The following DLGAP1 variants were observed in gnomAD, a reference collection of about 807,000 sequenced individuals.
DLGAP1 encodes disks large-associated protein 1.
A neutral mutation model predicts 90.8 loss-of-function variants in DLGAP1; 11 were observed. The ratio of observed to expected loss-of-function variants is 0.12; its 90% confidence interval spans 0.08 to 0.20. DLGAP1 has a LOEUF of 0.20. Among genes scored for constraint, DLGAP1 ranks in the 10% least tolerant of loss-of-function variants. The pLI, the probability that DLGAP1 is intolerant of heterozygous loss-of-function variation, is 1.00. For synonymous variants in DLGAP1, 558 were observed against 540.7 expected, an observed-to-expected ratio of 1.03 and a Z score of -0.44; for missense variants, 1,050 against 1,333.8, an observed-to-expected ratio of 0.79 and a Z score of 3.31.
intron 1 of DLGAP1, among the ~76,000 whole-genome samples, chr18:4,424,109 C>T (rs906542745): frequency 6.6e-6 from 1 of 152,016 alleles, no homozygotes; most frequent in Non-Finnish European, 1.5e-5. Flanking sequence ...CGAGATCATG[C>T]CACTGCACTT....
At chr18:3,571,543 G>A (rs2054784724) in intron 8 of DLGAP1, 1 of 151,966 alleles carries the variant, frequency 6.6e-6, no homozygotes, top group Non-Finnish European at 1.5e-5. Context: ...TTTTCAGATG[G>A]AGTCTTGGGA....
chr18:4,060,487 C>T (rs1334881324), intron 2 of DLGAP1, among the ~76,000 whole-genome samples: 3 of 152,238 alleles, frequency 2.0e-5, no homozygotes, highest in Non-Finnish European at 4.4e-5. Context: ...GCAACTTTAA[C>T]CTCGACAGTC....
chr18:4,082,635 T>C (rs1031994620), intron 2 of DLGAP1, among the ~76,000 whole-genome samples: 2 of 152,060 alleles, frequency 1.3e-5, no homozygotes, highest in South Asian at 2.1e-4. Context: ...TTTTCTCCTA[T>C]TAACCTGCCT....
chr18:4,343,177 G>T (rs369580346), intron 1 of DLGAP1, among the ~76,000 whole-genome samples: 2 of 151,900 alleles, frequency 1.3e-5, no homozygotes, highest in East Asian at 3.9e-4. Flanking sequence ...CGTGGTGGCA[G>T]GCGCCTGTAG....
intron 8 of DLGAP1, among the ~76,000 whole-genome samples, chr18:3,573,394 C>T (rs537074360): frequency 2.0e-5 from 3 of 151,978 alleles, no homozygotes; most frequent in Admixed American, 6.6e-5. Context: ...CCCAGCTACT[C>T]GGGAGACTGA....
At chr18:3,504,116 G>C (rs1300761225) in intron 11 of DLGAP1, among the ~76,000 whole-genome samples, 2 of 151,886 alleles carry the variant, frequency 1.3e-5, no homozygotes, top group Admixed American at 6.6e-5. Context: ...TAAATAAACA[G>C]ATAGATAGAT....
At chr18:4,290,289 A>T (rs1372640734) in intron 1 of DLGAP1, among the ~76,000 whole-genome samples, 1 of 152,262 alleles carries the variant, frequency 6.6e-6, no homozygotes, top group Non-Finnish European at 1.5e-5. Flanking sequence ...AAATACTTAG[A>T]TTATCAAAAA....
intron 3 of DLGAP1, among the ~76,000 whole-genome samples, chr18:3,951,852 G>C (rs991054107): frequency 7.9e-5 from 12 of 152,078 alleles, no homozygotes; most frequent in Admixed American, 2.6e-4. Flanking sequence ...ATGATCGTAA[G>C]TTTCCTGAGG....
intron 3 of DLGAP1, chr18:3,993,035 A>G (rs1175853675): frequency 2.0e-5 from 3 of 151,820 alleles, no homozygotes; most frequent in African/African-American, 7.3e-5. Context: ...AGATTACAAA[A>G]TAGCCTCCCC....
intron 10 of DLGAP1, among the ~76,000 whole-genome samples, chr18:3,530,582 G>A (rs1048485997): frequency 3.2e-4 from 48 of 152,252 alleles, no homozygotes; most frequent in African/African-American, 1.2e-3. Context: ...TTTTTCCTAG[G>A]AAAATCTGAT....
chr18:3,937,635 G>T (rs1170653607), intron 3 of DLGAP1, among the ~76,000 whole-genome samples: 3 of 152,204 alleles, frequency 2.0e-5, no homozygotes, highest in African/African-American at 7.2e-5. Flanking sequence ...TGCTAAATCA[G>T]AAGTAATCGA....
chr18:3,968,451 A>G (rs1275385053), intron 3 of DLGAP1, among the ~76,000 whole-genome samples: 1 of 152,204 alleles, frequency 6.6e-6, no homozygotes, highest in African/African-American at 2.4e-5. Context: ...CCTGCTGAAT[A>G]AAATGGCTAA....
Position 4,164,379 on chromosome 18 carries a change from A to G in DLGAP1, c.-266-13092T>C, listed in dbSNP as rs79584761. Among the ~76,000 whole-genome samples, 1,336 of 152,292 alleles carry G rather than the reference A, an allele frequency of 8.8e-3. 26 individuals carry two copies. Among genetic ancestry groups the G allele is most frequent in the African/African-American group, 0.029 (1,187 of 41,566 alleles). ...TAAAACAGCTATCATAAGACTGTTT[A>G]AACGATCAGACACTGCCGGGGCTGG... is the stretch of plus-strand genomic sequence containing the variant. On this transcript the variant is annotated intron_variant, in intron 1 of 12. Coordinates refer to ENST00000315677, the MANE Select transcript of DLGAP1 (RefSeq NM_004746.4).
chr18:3,591,179 G>A (rs1328143539), intron 7 of DLGAP1, among the ~76,000 whole-genome samples: 1 of 151,948 alleles, frequency 6.6e-6, no homozygotes, highest in East Asian at 1.9e-4. Flanking sequence ...GTACAAGTGA[G>A]ATTAAGAATA....
At chr18:4,375,335 C>T (rs560500705) in intron 1 of DLGAP1, among the ~76,000 whole-genome samples, 1 of 152,158 alleles carries the variant, frequency 6.6e-6, no homozygotes, top group African/African-American at 2.4e-5. Flanking sequence ...AAATTTTGGT[C>T]CTGTTAATAC....
Position 3,937,702 on chromosome 18 carries a change from T to C in DLGAP1, c.-72-57562A>G, listed in dbSNP as rs1188865375. 3.9e-5 allele frequency among the ~76,000 whole-genome samples: 6 copies of C among 152,330 alleles called. No homozygotes were observed. The East Asian group carries it at 5.8e-4, about 15-fold the overall frequency. ...GTAGCTGAGTTTATCACAAAATTTA[T>C]GTAATAAAGCTTATGCTGTTTCCTT... On this transcript the variant is annotated intron_variant, in intron 3 of 12. Transcript: ENST00000315677.
At chr18:4,155,390 C>T (rs1042371328) in intron 1 of DLGAP1, among the ~76,000 whole-genome samples, 1 of 152,108 alleles carries the variant, frequency 6.6e-6, no homozygotes, top group African/African-American at 2.4e-5. Context: ...ATTTGCCCAC[C>T]CTGCTACTTG....
In DLGAP1 at chr18:3,879,703, C is replaced by T. The variant is rs748250468; in HGVS notation, c.366G>A (p.Gln122=). 2.9e-5 allele frequency: 46 copies of T among 1,608,468 alleles called. No individual in the cohort carries two copies. Among genetic ancestry groups the T allele is most frequent in the Non-Finnish European group, 3.7e-5 (44 of 1,179,850 alleles). ...GGTGCTCCACGGCCGTGCGCTTGTACTGCAGGGTGTGATAGCCATCGCGGC... is the reference window on the plus strand; with the variant it reads ...GGTGCTCCACGGCCGTGCGCTTGTATTGCAGGGTGTGATAGCCATCGCGGC... The part of the protein sequence containing the change: ...PLSRDGYHTL[Q]YKRTAVEHRS... Residue 122 remains glutamine (Q), a synonymous_variant, in exon 4 of 13, where the codon CAG becomes CAA. Transcript: ENST00000315677. This position sits in a 1 kb window ranked among gnomAD's most constrained non-coding sequence, Gnocchi z 6.6.
intron 7 of DLGAP1, among the ~76,000 whole-genome samples, chr18:3,726,526 TATC>T (rs772168313): frequency 6.6e-6 from 1 of 152,074 alleles, no homozygotes; most frequent in Non-Finnish European, 1.5e-5. Context: ...CATAGACCCT[TATC>T]ATATCATAAA....
Sources: allele counts gnomAD v4.1 joint callset (sites outside exome capture counted in the v4.1 genomes callset), GRCh38; gene constraint gnomAD v4.1.1; non-coding constraint Gnocchi (gnomAD v3.1); transcripts MANE v1.5; gene names NCBI Gene and HGNC (gene_info 2026-07-23, HGNC 2026-07-21).